LRRC7: variants seen among roughly 807,000 people sequenced by gnomAD.
LRRC7 encodes the protein leucine-rich repeat-containing protein 7.
LRRC7 carries 23 observed loss-of-function variants against 175.7 expected under a neutral mutation model. That is an observed-to-expected ratio of 0.13 (90% confidence interval 0.09 to 0.19). The LOEUF is 0.19. Among genes scored for constraint, LRRC7 ranks in the 10% least tolerant of loss-of-function variants. LRRC7 has a pLI of 1.00. For synonymous variants in LRRC7, 685 were observed against 680.9 expected (o/e 1.01, Z -0.09); for missense variants, 1,354 against 1,904.7 (o/e 0.71, Z 5.38).
At chr1:69,629,309 C>T (rs1287874585) in intron 1 of LRRC7, among the ~76,000 whole-genome samples, 1 of 152,018 alleles carries the variant, frequency 6.6e-6, no homozygotes, top group Non-Finnish European at 1.5e-5. Context: ...TGGACAGATA[C>T]CACTTTGGCA....
intron 2 of LRRC7, among the ~76,000 whole-genome samples, chr1:69,721,731 G>A (rs78851512): frequency 0.079 from 11,911 of 151,656 alleles, 586 homozygotes; most frequent in East Asian, 0.12. Flanking sequence ...AATGGTATGT[G>A]AGCCAAATTG....
At chr1:69,688,685 T>C (rs1025769517) in intron 2 of LRRC7, among the ~76,000 whole-genome samples, 6 of 151,862 alleles carry the variant, frequency 4.0e-5, no homozygotes, top group Non-Finnish European at 7.4e-5. Flanking sequence ...ATACTCCCTA[T>C]TTTATCATTT....
chr1:69,823,738 C>T (rs1320714608), intron 4 of LRRC7, among the ~76,000 whole-genome samples: 2 of 152,026 alleles, frequency 1.3e-5, no homozygotes, highest in African/African-American at 2.4e-5. Context: ...TCCTCTGATT[C>T]TTTTTTATTT....
chr1:69,693,784 G>T (rs1444808854), intron 2 of LRRC7, among the ~76,000 whole-genome samples: 1 of 152,142 alleles, frequency 6.6e-6, no homozygotes. Flanking sequence ...CTCTATTTCA[G>T]GGGGTCTGAA....
chr1:69,657,922 A>G (rs960627995), intron 1 of LRRC7, among the ~76,000 whole-genome samples: 3 of 151,916 alleles, frequency 2.0e-5, no homozygotes, highest in African/African-American at 7.2e-5. Flanking sequence ...ATCAAAAATG[A>G]TGGGAGACTT....
chr1:69,668,406 T>C (rs538504166), intron 1 of LRRC7, among the ~76,000 whole-genome samples: 1 of 152,316 alleles, frequency 6.6e-6, no homozygotes, highest in East Asian at 1.9e-4. Context: ...TTTGGTTTTC[T>C]GTTCCTGTGT....
Position 69,919,476 on chromosome 1 carries a change from C to T in LRRC7, c.648-12031C>T. 3 of 976,812 alleles carry T rather than the reference C, an allele frequency of 3.1e-6. No homozygotes were observed. In the East Asian group the frequency reaches 7.8e-5, roughly 25 times the overall value. 60.5% of individuals were successfully genotyped at this position (976,812 alleles called of 1,614,324 possible). On this transcript the variant is annotated intron_variant, in intron 7 of 26. Transcript: ENST00000651989. ...GCCAGTGGGAGCGGCCCAGCGGGAA[C>T]AGCAGCAGTGGCGGCAAAATCTGGC...
chr1:69,572,678 A>G (rs1645785740), intron 1 of LRRC7, among the ~76,000 whole-genome samples: 1 of 152,194 alleles, frequency 6.6e-6, no homozygotes, highest in Non-Finnish European at 1.5e-5. Context: ...TATGTCTAGA[A>G]GTAATATGCA....
In LRRC7 at chr1:70,127,776, G is replaced by T. The variant is rs1666506819; in HGVS notation, c.*5889G>T. 6.6e-6 allele frequency among the ~76,000 whole-genome samples: 1 copy of T among 152,242 alleles called. No individual in the cohort carries two copies. Among genetic ancestry groups the T allele is most frequent in the East Asian group, 1.9e-4 (1 of 5,182 alleles). On this transcript the variant is annotated 3_prime_UTR_variant, in exon 27 of 27. Coordinates refer to ENST00000651989, the MANE Select transcript of LRRC7 (RefSeq NM_001370785.2). ...ATGGCAGCACCTCAAAAGGTGGAAG[G>T]TTGTGAAATTCACGCAGCATTTATG...
rs146852621 is a variant in LRRC7, at chr1:69,945,135, C to T, written c.711+13565C>T. ...TTTTCTTCTAGAAGTTTTACAGTTT[C>T]GGGACGTACATTACTTAAGTCTTCA... On this transcript the variant is annotated intron_variant, in intron 8 of 26. Transcript: ENST00000651989. Among the ~76,000 whole-genome samples the T allele has an allele frequency of 5.8e-3, 885 of 152,162 alleles. 4 individuals carry two copies. The highest frequency in any genetic ancestry group is 9.8e-3 in the Admixed American group (149 of 15,262).
chr1:69,829,580 A>ATT (rs1680306513), intron 5 of LRRC7, among the ~76,000 whole-genome samples: 1 of 150,194 alleles, frequency 6.7e-6, no homozygotes, highest in South Asian at 2.1e-4. Flanking sequence ...GTAACTGTGT[A>ATT]TTTGTACATA....
intron 2 of LRRC7, among the ~76,000 whole-genome samples, chr1:69,678,777 T>C (rs1437619605): frequency 6.6e-6 from 1 of 152,150 alleles, no homozygotes; most frequent in Non-Finnish European, 1.5e-5. Flanking sequence ...ATTTATACCA[T>C]GCATGGTAAT....
chr1:70,065,086 A>G (rs985254245), intron 23 of LRRC7, among the ~76,000 whole-genome samples: 4 of 151,932 alleles, frequency 2.6e-5, no homozygotes, highest in Admixed American at 6.6e-5. Flanking sequence ...TGTCACCAAA[A>G]CTACCTGTGA....
At chr1:69,763,704 T>A (rs957629401) in intron 3 of LRRC7, among the ~76,000 whole-genome samples, 6 of 152,068 alleles carry the variant, frequency 3.9e-5, no homozygotes, top group African/African-American at 1.2e-4. Flanking sequence ...TCAAAAACTA[T>A]GTATAAAGTT....
intron 7 of LRRC7, among the ~76,000 whole-genome samples, chr1:69,843,257 C>T (rs980106595): frequency 1.3e-5 from 2 of 151,586 alleles, no homozygotes; most frequent in Non-Finnish European, 2.9e-5. Flanking sequence ...AGGGACCTCC[C>T]GATTTTAGGA....
intron 1 of LRRC7, among the ~76,000 whole-genome samples, chr1:69,608,917 T>C (rs913969078): frequency 5.6e-5 from 8 of 143,988 alleles, no homozygotes; most frequent in African/African-American, 2.0e-4. Flanking sequence ...CACACACATA[T>C]ATATAAAATT....
chr1:69,845,268 G>T (rs191863781), intron 7 of LRRC7, among the ~76,000 whole-genome samples: 11 of 151,952 alleles, frequency 7.2e-5, no homozygotes, highest in Admixed American at 5.3e-4. Context: ...TAAATAAAAG[G>T]CTTAAATATG....
intron 7 of LRRC7, chr1:69,920,352 C>T (rs1348413226): frequency 6.6e-6 from 1 of 150,556 alleles, no homozygotes; most frequent in Admixed American, 6.6e-5. Flanking sequence ...GCCAGATAGA[C>T]TTGAGCATGC....
chr1:69,949,568 GA>G (rs1649705592), intron 8 of LRRC7, among the ~76,000 whole-genome samples: 4 of 54,024 alleles, frequency 7.4e-5, no homozygotes, highest in African/African-American at 1.8e-4. Context: ...AAGAAAAATA[GA>G]GAGAGAGAGA....
Sources: allele counts gnomAD v4.1 joint callset (sites outside exome capture counted in the v4.1 genomes callset), GRCh38; gene constraint gnomAD v4.1.1; transcripts MANE v1.5; gene names NCBI Gene and HGNC (gene_info 2026-07-23, HGNC 2026-07-21).